Variants in TRIP4 observed in about 807,000 individuals in gnomAD.
The protein encoded by TRIP4 is thyroid hormone receptor interactor 4.
A neutral mutation model predicts 81.8 loss-of-function variants in TRIP4; 54 were observed. The ratio of observed to expected loss-of-function variants is 0.66; its 90% confidence interval spans 0.53 to 0.83. TRIP4 has a LOEUF of 0.83. Ranked by LOEUF, TRIP4 falls within the 40% of genes least tolerant of loss-of-function variation. The pLI, the probability that TRIP4 is intolerant of heterozygous loss-of-function variation, is 0.00. For synonymous variants in TRIP4, 270 were observed against 242.8 expected, an observed-to-expected ratio of 1.11 and a Z score of -1.04; for missense variants, 662 against 683.6, an observed-to-expected ratio of 0.97 and a Z score of 0.35.
chr15:64,415,072 G>A lies in TRIP4; in HGVS notation c.1170+861G>A, dbSNP rs1285612462. ...ATCATGCCACTGCACTCCAGCCTGGGTGACAGAGTGAGACCCTGTCTCAAA... is the reference window on the plus strand; with the variant it reads ...ATCATGCCACTGCACTCCAGCCTGGATGACAGAGTGAGACCCTGTCTCAAA... On this transcript the variant is annotated intron_variant, in intron 8 of 12. Transcript: ENST00000261884. Among the ~76,000 whole-genome samples the A allele has an allele frequency of 2.0e-5, 3 of 151,578 alleles. No homozygotes were observed. The South Asian group carries it at 6.2e-4, about 31-fold the overall frequency.
At chr15:64,434,067 T>G (rs1373931614) in intron 11 of TRIP4, among the ~76,000 whole-genome samples, 1 of 151,986 alleles carries the variant, frequency 6.6e-6, no homozygotes, top group Admixed American at 6.6e-5. Context: ...GGGGAGTCTC[T>G]CTGAAACTAA....
chr15:64,426,356 A>G (rs1371462515), intron 11 of TRIP4, among the ~76,000 whole-genome samples: 1 of 152,160 alleles, frequency 6.6e-6, no homozygotes, highest in Non-Finnish European at 1.5e-5. Flanking sequence ...GTACATATGT[A>G]TGAATGTACA....
chr15:64,397,050 G>C (rs1415722218), intron 3 of TRIP4, among the ~76,000 whole-genome samples: 1 of 152,122 alleles, frequency 6.6e-6, no homozygotes, highest in Non-Finnish European at 1.5e-5. Context: ...CTTTTGTTAT[G>C]AAGTTCTTAT....
intron 1 of TRIP4, among the ~76,000 whole-genome samples, chr15:64,392,697 C>T (rs1278764933): frequency 1.3e-5 from 2 of 152,064 alleles, no homozygotes; most frequent in African/African-American, 4.8e-5. Flanking sequence ...GCTCTGCAGC[C>T]TTCACCTCTG....
chr15:64,442,957 C>T (rs1349381982), intron 11 of TRIP4, among the ~76,000 whole-genome samples: 1 of 150,358 alleles, frequency 6.7e-6, no homozygotes, highest in Non-Finnish European at 1.5e-5. Flanking sequence ...CGCCATTGCA[C>T]TCCAGCCTGG....
intron 1 of TRIP4, among the ~76,000 whole-genome samples, chr15:64,390,809 C>T (rs571799299): frequency 2.8e-4 from 42 of 151,806 alleles, no homozygotes; most frequent in African/African-American, 9.9e-4. Context: ...GCAGGAGAAT[C>T]GCTTGAACCC....
At position 64,409,747 on chromosome 15, in the gene TRIP4, G is replaced by A. The variant is rs763935853; in HGVS notation, c.962G>A (p.Arg321Gln). The stretch of plus-strand genomic sequence containing the variant: ...CTGAGAGAACTTCGACACGCCTCTC[G>A]ACTTTCTAAGAAGGTCACCATTGAC... The part of the protein sequence containing the change: ...EELRELRHAS[R>Q]LSKKVTIDFA... Residue 321 changes from arginine (R) to glutamine (Q), a missense_variant, in exon 7 of 13, where the codon CGA becomes CAA. Coordinates refer to ENST00000261884, the MANE Select transcript of TRIP4 (RefSeq NM_016213.5). The A allele has an allele frequency of 1.4e-5, 22 of 1,613,962 alleles. No individual in the cohort carries two copies. The highest frequency in any genetic ancestry group is 1.6e-4 in the Middle Eastern group (1 of 6,082).
At chr15:64,428,548 A>G (rs755865542) in intron 11 of TRIP4, among the ~76,000 whole-genome samples, 12 of 152,164 alleles carry the variant, frequency 7.9e-5, no homozygotes, top group Non-Finnish European at 1.8e-4. Context: ...GCTTCATCAG[A>G]CATGGGAATC....
chr15:64,397,077 T>C (rs1227668578), intron 3 of TRIP4, among the ~76,000 whole-genome samples: 1 of 152,216 alleles, frequency 6.6e-6, no homozygotes, highest in Admixed American at 6.5e-5. Context: ...TTTTTTGCCC[T>C]TTTTTTGTTT....
intron 9 of TRIP4, among the ~76,000 whole-genome samples, chr15:64,421,038 G>A (rs1190768181): frequency 2.6e-5 from 4 of 151,338 alleles, no homozygotes; most frequent in Admixed American, 1.3e-4. Context: ...GGCCGGTCAC[G>A]GTGGCTCATG....
chr15:64,425,702 C>CT, intron 11 of TRIP4, 71 bp downstream of exon 11: 2 of 1,237,104 alleles, frequency 1.6e-6, no homozygotes, highest in East Asian at 2.4e-5. Flanking sequence ...CTTGAAAGCA[C>CT]TTTAAGAGGC....
intron 11 of TRIP4, among the ~76,000 whole-genome samples, chr15:64,441,186 C>T (rs570978190): frequency 7.2e-4 from 110 of 151,858 alleles, no homozygotes; most frequent in East Asian, 2.6e-3. Context: ...TTAGTAGAGA[C>T]GGGGTTTCAC....
chr15:64,421,535 C>T (rs1892013562), intron 9 of TRIP4, among the ~76,000 whole-genome samples: 1 of 151,542 alleles, frequency 6.6e-6, no homozygotes, highest in Non-Finnish European at 1.5e-5. Flanking sequence ...GAGGTTTTGC[C>T]CTGTTGGCCA....
At chr15:64,394,217 A>G (rs892009445) in intron 2 of TRIP4, 102 bp downstream of exon 2, 5 of 1,086,338 alleles carry the variant, frequency 4.6e-6, no homozygotes, top group Non-Finnish European at 5.0e-6. Flanking sequence ...GTTTCTTCAC[A>G]GCTAACTTAA....
At chr15:64,437,659 A>T (rs1892432835) in intron 11 of TRIP4, among the ~76,000 whole-genome samples, 1 of 151,712 alleles carries the variant, frequency 6.6e-6, no homozygotes, top group African/African-American at 2.4e-5. Context: ...CGTTTAGCTA[A>T]TTTTTTTGTA....
intron 11 of TRIP4, among the ~76,000 whole-genome samples, chr15:64,430,187 T>C (rs1892237563): frequency 6.6e-6 from 1 of 152,250 alleles, no homozygotes; most frequent in African/African-American, 2.4e-5. Flanking sequence ...CTAAGATTAG[T>C]ATGGCCAACA....
At chr15:64,451,633 G>A (rs1892762100) in intron 12 of TRIP4, among the ~76,000 whole-genome samples, 1 of 150,052 alleles carries the variant, frequency 6.7e-6, no homozygotes, top group Non-Finnish European at 1.5e-5. Context: ...CACCATACCC[G>A]GCTAATTTTT....
intron 10 of TRIP4, among the ~76,000 whole-genome samples, chr15:64,425,100 T>C (rs909159751): frequency 2.6e-5 from 4 of 152,092 alleles, no homozygotes; most frequent in African/African-American, 9.7e-5. Context: ...CTATTCCTAT[T>C]GATATGGACT....
chr15:64,412,265 C>T (rs1420004865), intron 7 of TRIP4, among the ~76,000 whole-genome samples: 2 of 151,956 alleles, frequency 1.3e-5, no homozygotes, highest in Non-Finnish European at 2.9e-5. Context: ...CTCTTTCAGA[C>T]CTCACTCTCC....
Sources: allele counts gnomAD v4.1 joint callset (sites outside exome capture counted in the v4.1 genomes callset), GRCh38; gene constraint gnomAD v4.1.1; transcripts MANE v1.5; gene names NCBI Gene and HGNC (gene_info 2026-07-23, HGNC 2026-07-21).